Variants in PCDHGA3 observed in about 807,000 individuals in gnomAD.
The protein encoded by PCDHGA3 is protocadherin gamma subfamily A, 3, also known as protocadherin gamma-A3.
In PCDHGA3, 40 loss-of-function variants were observed where a neutral mutation model predicts 58.5. That is an observed-to-expected ratio of 0.68 (90% CI 0.53 to 0.89). The LOEUF (loss-of-function observed/expected upper bound fraction) is 0.89, where lower values mean the gene tolerates loss of function less well. PCDHGA3 is among the 40% of genes least tolerant of loss of function. The pLI is 0.00. For synonymous variants in PCDHGA3, 530 were observed against 525.7 expected (o/e 1.01, Z -0.11); for missense variants, 1,223 against 1,195.9 (o/e 1.02, Z -0.33).
chr5:141,409,130 G>T (rs1265386524), intron 1 of PCDHGA3: 1 of 1,613,994 alleles, frequency 6.2e-7, no homozygotes, highest in Admixed American at 1.7e-5. Context: ...ATTTGATTTT[G>T]AAGATGTAGA....
At chr5:141,360,394 A>G in intron 1 of PCDHGA3, 8 of 1,613,932 alleles carry the variant, frequency 5.0e-6, no homozygotes, top group Non-Finnish European at 6.8e-6. Context: ...CTTACTTGTG[A>G]GTGACAGAAT....
chr5:141,351,408 A>C (rs754223398), intron 1 of PCDHGA3: 2 of 1,611,512 alleles, frequency 1.2e-6, no homozygotes, highest in South Asian at 2.2e-5. Context: ...TGCTATACTC[A>C]GGAAGAAGTT....
chr5:141,427,494 A>G (rs1220750249), intron 1 of PCDHGA3: 1 of 560,916 alleles, frequency 1.8e-6, no homozygotes, highest in Non-Finnish European at 3.4e-6. Context: ...TAAGCTTGTA[A>G]CAGATGGGAC....
chr5:141,383,849 T>C (rs757932608), intron 1 of PCDHGA3: 9 of 1,613,952 alleles, frequency 5.6e-6, no homozygotes, highest in South Asian at 4.4e-5. Flanking sequence ...TTCTATGAAA[T>C]GGAGGTTCAG....
intron 1 of PCDHGA3, chr5:141,419,534 G>C: frequency 6.2e-7 from 1 of 1,612,078 alleles, no homozygotes; most frequent in African/African-American, 1.3e-5. Context: ...TAACGACAAC[G>C]CACCGCGGGT....
intron 1 of PCDHGA3, chr5:141,403,543 G>C (rs1228327431): frequency 1.2e-6 from 2 of 1,614,006 alleles, no homozygotes; most frequent in Non-Finnish European, 1.7e-6. Context: ...TGGTGCTGGA[G>C]CGCGCCCTGG....
chr5:141,428,406 C>T (rs908202809), intron 1 of PCDHGA3: 1 of 473,274 alleles, frequency 2.1e-6, no homozygotes, highest in Non-Finnish European at 3.9e-6. Context: ...CCTGGGGTTG[C>T]TTTCACCCTG....
At chr5:141,349,316 C>A (rs1052466921) in intron 1 of PCDHGA3, among the ~76,000 whole-genome samples, 2 of 152,140 alleles carry the variant, frequency 1.3e-5, no homozygotes, top group African/African-American at 4.8e-5. Context: ...GTGTTCTTCC[C>A]ACCTTGGCCT....
intron 1 of PCDHGA3, chr5:141,370,765 A>G: frequency 1.2e-6 from 2 of 1,614,018 alleles, no homozygotes; most frequent in South Asian, 1.1e-5. Flanking sequence ...GTGCTGATCC[A>G]GGATATTAAC....
At chr5:141,425,756 A>G (rs1282506394) in intron 1 of PCDHGA3, among the ~76,000 whole-genome samples, 1 of 152,228 alleles carries the variant, frequency 6.6e-6, no homozygotes, top group Non-Finnish European at 1.5e-5. Flanking sequence ...TTTTTGTTCT[A>G]CAACAGGAGA....
rs534845593 is a variant in PCDHGA3, at chr5:141,478,216, G to A, written c.2425-16591G>A. On this transcript the variant is annotated intron_variant, in intron 1 of 3. Coordinates refer to ENST00000253812, the MANE Select transcript of PCDHGA3 (RefSeq NM_018916.4). ...TTTATCTACTTCTTTCTCTAATCCTGGTTTCTGTGGGGTTTGTGGTCACAG... is the reference window on the plus strand; with the variant it reads ...TTTATCTACTTCTTTCTCTAATCCTAGTTTCTGTGGGGTTTGTGGTCACAG... 414 of 1,614,090 alleles carry A rather than the reference G, an allele frequency of 2.6e-4. 9 individuals carry two copies. In the South Asian group the frequency reaches 4.4e-3, roughly 17 times the overall value.
chr5:141,404,890 A>G (rs745830169), intron 1 of PCDHGA3: 1 of 1,613,870 alleles, frequency 6.2e-7, no homozygotes, highest in Middle Eastern at 1.6e-4. Context: ...TGGTGGCTGT[A>G]CAGGACCATG....
At chr5:141,382,983 A>G (rs1377762297) in intron 1 of PCDHGA3, 4 of 1,612,430 alleles carry the variant, frequency 2.5e-6, no homozygotes, top group Non-Finnish European at 3.4e-6. Flanking sequence ...AAGCCTGGGC[A>G]GGACGTATTC....
At chr5:141,426,052 G>T (rs2096912121) in intron 1 of PCDHGA3, among the ~76,000 whole-genome samples, 1 of 152,162 alleles carries the variant, frequency 6.6e-6, no homozygotes, top group South Asian at 2.1e-4. Flanking sequence ...TGGCCAATGT[G>T]CTGCAAGAAC....
In PCDHGA3 at chr5:141,385,264, G is replaced by C. The variant is rs879420336; in HGVS notation, c.2424+38807G>C. 3 of 1,613,712 alleles carry C rather than the reference G, an allele frequency of 1.9e-6. No individual in the cohort carries two copies. In the African/African-American group the frequency reaches 4.0e-5, roughly 22 times the overall value. The stretch of plus-strand genomic sequence containing the variant: ...CAGCCAGGAGAGCTGTGAGAAAAAT[G>C]ATTCTTTGCTAACATCCGTAGATTT... On this transcript the variant is annotated intron_variant, in intron 1 of 3. Transcript: ENST00000253812.
At chr5:141,410,404 G>A (rs79498912) in intron 1 of PCDHGA3, 32,650 of 1,614,014 alleles carry the variant, frequency 0.02, 588 homozygotes, top group African/African-American at 0.088. Context: ...TCTGTGTCAA[G>A]TCTGGACCTG....
intron 1 of PCDHGA3, among the ~76,000 whole-genome samples, chr5:141,449,177 G>T (rs2098631167): frequency 6.6e-6 from 1 of 152,028 alleles, no homozygotes. Flanking sequence ...AATTTTCTTA[G>T]GTATTTTCAC....
intron 1 of PCDHGA3, chr5:141,421,613 A>T (rs2096587756): frequency 6.2e-7 from 1 of 1,613,720 alleles, no homozygotes; most frequent in Admixed American, 1.7e-5. Context: ...GATATTAATG[A>T]TAACGCCCCC....
chr5:141,494,929 GGA>G, intron 2 of PCDHGA3, 64 bp downstream of exon 2: 1 of 1,613,142 alleles, frequency 6.2e-7, no homozygotes, highest in Non-Finnish European at 8.5e-7. Flanking sequence ...TGACGTGGGA[GGA>G]GATGGGGGAG....
Sources: gnomAD v4.1 joint callset for allele counts (sites outside exome capture counted in the v4.1 genomes callset) on GRCh38, gnomAD v4.1.1 for gene constraint, MANE v1.5 for transcripts, NCBI Gene and HGNC (gene_info 2026-07-23, HGNC 2026-07-21) for gene names.